The following LPL variants were observed in gnomAD, a reference collection of about 807,000 sequenced individuals.
LPL encodes the protein phospholipase A1.
A neutral mutation model predicts 52.2 loss-of-function variants in LPL; 43 were observed. The observed-to-expected ratio is 0.82, with a 90% confidence interval of 0.64 to 1.06. LPL has a LOEUF of 1.06. Ranked by LOEUF, LPL falls within the 50% of genes least tolerant of loss-of-function variation. The pLI is 0.00. For missense variants in LPL, 639 were observed against 585.3 expected (o/e 1.09, Z -0.95); for synonymous variants, 244 against 215.6 (o/e 1.13, Z -1.15).
At chr8:19,940,855 C>T (rs1216045354) in intron 1 of LPL, among the ~76,000 whole-genome samples, 6 of 152,198 alleles carry the variant, frequency 3.9e-5, no homozygotes, top group Admixed American at 1.3e-4. Flanking sequence ...CTTCGGGAGG[C>T]CGAGGCCGGA....
intron 9 of LPL, 94 bp downstream of exon 9, chr8:19,962,313 C>T (rs1251556644): frequency 1.6e-5 from 14 of 883,010 alleles, no homozygotes; most frequent in Non-Finnish European, 2.7e-5. Flanking sequence ...TCACCAGCAG[C>T]TTGCCCTGAC....
At chr8:19,940,011 C>A (rs1426597272) in intron 1 of LPL, among the ~76,000 whole-genome samples, 1 of 152,200 alleles carries the variant, frequency 6.6e-6, no homozygotes, top group Non-Finnish European at 1.5e-5. Context: ...CCGACTGTGG[C>A]CCCTTCTGGG....
Position 19,939,612 on chromosome 8 carries a change from G to T in LPL, c.88+84G>T. ...CCGAACTGAGGATGAGAAGAAGGAA[G>T]TTGGAAGGGGCGGTGGATGCGCCCA... On this transcript the variant is annotated intron_variant, in intron 1 of 9. Transcript: ENST00000650287. The surrounding 1 kb of genome is among the most constrained non-coding windows in gnomAD (Gnocchi z 4.0). 1 of 1,400,232 alleles carries T rather than the reference G, an allele frequency of 7.1e-7. No individual in the cohort carries two copies. Among genetic ancestry groups the T allele is most frequent in the Admixed American group, 2.0e-5 (1 of 50,584 alleles). The allele number at this position is 1,400,232 out of a possible 1,614,324, so 86.7% of individuals were successfully genotyped here. A position where few individuals can be genotyped will look rare whatever the true frequency, so the allele number is the denominator to read the frequency against.
intron 1 of LPL, chr8:19,946,509 C>A: frequency 4.2e-6 from 1 of 240,676 alleles, no homozygotes. Flanking sequence ...CACTATGACA[C>A]TCTTATTTTT....
chr8:19,952,353 T>C (rs2128837796), intron 3 of LPL, among the ~76,000 whole-genome samples: 1 of 152,296 alleles, frequency 6.6e-6, no homozygotes, highest in Middle Eastern at 3.4e-3. Flanking sequence ...ATATTAATAG[T>C]ACTTATTCTT....
rs1237754150 is a variant in LPL at position 19,939,547 on chromosome 8, C to T, written c.88+19C>T. The T allele has an allele frequency of 1.2e-6, 2 of 1,600,960 alleles. No homozygotes were observed. The highest frequency in any genetic ancestry group is 1.1e-5 in the South Asian group (1 of 89,484). On this transcript the variant is annotated intron_variant, in intron 1 of 9. Coordinates refer to ENST00000650287, the MANE Select transcript of LPL (RefSeq NM_000237.3). The surrounding 1 kb of genome is among the most constrained non-coding windows in gnomAD (Gnocchi z 4.0). ...GCCGACCGTAAGTTTTGCGCGCAAA[C>T]TCCCCTCCACCTGCAGACCCGGCGG... is the stretch of plus-strand genomic sequence containing the variant.
chr8:19,943,857 T>C (rs968808438), intron 1 of LPL, among the ~76,000 whole-genome samples: 1 of 152,168 alleles, frequency 6.6e-6, no homozygotes, highest in African/African-American at 2.4e-5. Flanking sequence ...TCATACAGGA[T>C]TTATTTTTCC....
At chr8:19,959,500 G>T in intron 7 of LPL, 120 bp downstream of exon 7, 1 of 1,304,578 alleles carries the variant, frequency 7.7e-7, no homozygotes, top group Non-Finnish European at 1.0e-6. Context: ...AAAAAAATCA[G>T]AATTTCAAAA....
At chr8:19,962,260 T>A (rs374861846) in intron 9 of LPL, 41 bp downstream of exon 9, 1 of 1,515,348 alleles carries the variant, frequency 6.6e-7, no homozygotes, top group Non-Finnish European at 9.2e-7. Flanking sequence ...ATCCTGAGCT[T>A]GCACCCTAAG....
chr8:19,939,716 C>T lies in LPL; in HGVS notation c.88+188C>T, dbSNP rs1174391705. On this transcript the variant is annotated intron_variant, in intron 1 of 9. Coordinates refer to ENST00000650287, the MANE Select transcript of LPL (RefSeq NM_000237.3). This position sits in a 1 kb window ranked among gnomAD's most constrained non-coding sequence, Gnocchi z 4.0. The stretch of plus-strand genomic sequence containing the variant: ...AGGAGGGGCCGGGAGGGAATCTCCT[C>T]CCGATCGTGAAGCGGCGGCGCCCAG... Among the ~76,000 whole-genome samples the T allele has an allele frequency of 4.6e-5, 7 of 152,198 alleles. No homozygotes were observed. Among genetic ancestry groups the T allele is most frequent in the African/African-American group, 1.7e-4 (7 of 41,468 alleles).
chr8:19,952,042 T>A, intron 3 of LPL, 94 bp downstream of exon 3: 2 of 1,419,822 alleles, frequency 1.4e-6, no homozygotes, highest in African/African-American at 1.4e-5. Flanking sequence ...CTCTTAGATT[T>A]AAATATTTTC....
chr8:19,943,929 C>A (rs2069861935), intron 1 of LPL, among the ~76,000 whole-genome samples: 1 of 152,150 alleles, frequency 6.6e-6, no homozygotes, highest in African/African-American at 2.4e-5. Context: ...TGGCTCACTC[C>A]TGTAATCCCA....
In LPL at chr8:19,951,763, C is replaced by T. The variant is rs368802342; in HGVS notation, c.250-6C>T. 7 of 1,613,990 alleles carry T rather than the reference C, an allele frequency of 4.3e-6. No homozygotes were observed. The highest frequency in any genetic ancestry group is 5.9e-6 in the Non-Finnish European group (7 of 1,179,996). ...ATTTTAAGAAAGCTTGTGTCATCATCTTCAGGTAACAGGAATGTATGAGAG... is the reference window on the plus strand; with the variant it reads ...ATTTTAAGAAAGCTTGTGTCATCATTTTCAGGTAACAGGAATGTATGAGAG... On this transcript the variant is annotated splice_region_variant and splice_polypyrimidine_tract_variant and intron_variant, in intron 2 of 9. Coordinates refer to ENST00000650287, the MANE Select transcript of LPL (RefSeq NM_000237.3).
intron 6 of LPL, among the ~76,000 whole-genome samples, chr8:19,959,035 A>G (rs577539793): frequency 6.6e-6 from 1 of 152,254 alleles, no homozygotes; most frequent in East Asian, 1.9e-4. Flanking sequence ...TCCTATGCAT[A>G]TAACCACACT....
intron 9 of LPL, among the ~76,000 whole-genome samples, chr8:19,963,119 G>A (rs78031480): frequency 0.027 from 4,102 of 152,290 alleles, 80 homozygotes; most frequent in Non-Finnish European, 0.044. Flanking sequence ...CTTTTGGTTT[G>A]TTCTTTTCCT....
At chr8:19,964,211 C>G (rs1225329658) in intron 9 of LPL, among the ~76,000 whole-genome samples, 1 of 152,116 alleles carries the variant, frequency 6.6e-6, no homozygotes, top group African/African-American at 2.4e-5. Flanking sequence ...CTCGGCCTCC[C>G]AAAGTGCTGG....
intron 9 of LPL, among the ~76,000 whole-genome samples, chr8:19,962,784 A>C (rs548773912): frequency 6.6e-6 from 1 of 152,228 alleles, no homozygotes; most frequent in African/African-American, 2.4e-5. Context: ...GAGTTATAGG[A>C]AACTGTTCTC....
chr8:19,960,689 T>C (rs1166182790), intron 7 of LPL, among the ~76,000 whole-genome samples: 1 of 152,216 alleles, frequency 6.6e-6, no homozygotes, highest in East Asian at 1.9e-4. Context: ...AAATAGTTCA[T>C]GTCATTAGGA....
chr8:19,961,125 C>G (rs2070034981), intron 8 of LPL, 42 bp downstream of exon 8: 1 of 1,580,914 alleles, frequency 6.3e-7, no homozygotes, highest in South Asian at 1.1e-5. Context: ...AGACCCCCAC[C>G]TGATGTCAGG....
Sources: gnomAD v4.1 joint callset for allele counts (sites outside exome capture counted in the v4.1 genomes callset) on GRCh38, gnomAD v4.1.1 for gene constraint, Gnocchi (gnomAD v3.1) non-coding constraint, MANE v1.5 for transcripts, NCBI Gene and HGNC (gene_info 2026-07-23, HGNC 2026-07-21) for gene names.